Variants in KCNIP4 observed in about 807,000 individuals in gnomAD.
KCNIP4 encodes Kv channel-interacting protein 4.
Under a neutral mutation model 34.0 loss-of-function variants are expected in KCNIP4, and 12 were observed. The observed-to-expected ratio is 0.35, with a 90% CI of 0.23 to 0.57. The LOEUF (loss-of-function observed/expected upper bound fraction) is 0.57, where lower values mean the gene tolerates loss of function less well. KCNIP4 is among the 20% of genes least tolerant of loss of function. The probability of loss-of-function intolerance (pLI) is 0.83; values close to 1 mark genes in which losing one functional copy is unlikely to be tolerated. For synonymous variants in KCNIP4, 124 were observed against 102.2 expected, an observed-to-expected ratio of 1.21 and a Z score of -1.29; for missense variants, 238 against 311.7, an observed-to-expected ratio of 0.76 and a Z score of 1.78.
intron 1 of KCNIP4, among the ~76,000 whole-genome samples, chr4:21,731,811 G>A (rs1052028053): frequency 2.0e-5 from 3 of 152,084 alleles, no homozygotes; most frequent in Non-Finnish European, 4.4e-5. Context: ...AGATGAGATT[G>A]CCATTTTCTT....
At chr4:21,591,982 T>G (rs1742257785) in intron 1 of KCNIP4, among the ~76,000 whole-genome samples, 1 of 152,110 alleles carries the variant, frequency 6.6e-6, no homozygotes, top group Admixed American at 6.6e-5. Context: ...TCTACGGTGC[T>G]GCATTGGAAG....
At chr4:21,762,165 C>T (rs922642153) in intron 1 of KCNIP4, among the ~76,000 whole-genome samples, 3 of 152,040 alleles carry the variant, frequency 2.0e-5, no homozygotes, top group African/African-American at 7.2e-5. Flanking sequence ...CAATTAGCCA[C>T]ATTTTATAAA....
chr4:21,232,172 C>T (rs1272953203), intron 1 of KCNIP4, among the ~76,000 whole-genome samples: 1 of 152,020 alleles, frequency 6.6e-6, no homozygotes, highest in African/African-American at 2.4e-5. Context: ...CCCTGGTAAG[C>T]ACAGGTACAA....
At chr4:21,626,220 T>C (rs1444592784) in intron 1 of KCNIP4, among the ~76,000 whole-genome samples, 1 of 151,962 alleles carries the variant, frequency 6.6e-6, no homozygotes, top group East Asian at 1.9e-4. Context: ...AGAATGAATG[T>C]TTGTGTTCCT....
intron 1 of KCNIP4, among the ~76,000 whole-genome samples, chr4:20,966,858 G>A (rs1734395306): frequency 6.6e-6 from 1 of 152,106 alleles, no homozygotes; most frequent in African/African-American, 2.4e-5. Flanking sequence ...TGAGTACTAG[G>A]TATGTGGCTT....
At chr4:21,550,880 C>T (rs1738529998) in intron 1 of KCNIP4, among the ~76,000 whole-genome samples, 2 of 152,094 alleles carry the variant, frequency 1.3e-5, no homozygotes. Context: ...GACACAGTGC[C>T]ATGCCTAATT....
At chr4:20,796,366 T>A (rs1367225566) in intron 3 of KCNIP4, among the ~76,000 whole-genome samples, 1 of 152,170 alleles carries the variant, frequency 6.6e-6, no homozygotes, top group Non-Finnish European at 1.5e-5. Flanking sequence ...TGGAGTGCGC[T>A]GGTGTGATCA....
intron 1 of KCNIP4, among the ~76,000 whole-genome samples, chr4:21,073,640 C>A (rs2109003854): frequency 6.6e-6 from 1 of 152,228 alleles, no homozygotes; most frequent in South Asian, 2.1e-4. Context: ...CTTTCTCCTG[C>A]CTGATTGCCC....
At chr4:20,820,928 A>G (rs1717027075) in intron 3 of KCNIP4, among the ~76,000 whole-genome samples, 1 of 152,214 alleles carries the variant, frequency 6.6e-6, no homozygotes, top group Admixed American at 6.5e-5. Context: ...CCTGGTGCTA[A>G]CTGCTGGTGC....
intron 1 of KCNIP4, among the ~76,000 whole-genome samples, chr4:20,968,610 A>T (rs1017526441): frequency 6.6e-6 from 1 of 152,122 alleles, no homozygotes; most frequent in Admixed American, 6.6e-5. Context: ...AAAAAGGATG[A>T]GTTCATGTCC....
At chr4:20,806,134 C>T (rs775906361) in intron 3 of KCNIP4, among the ~76,000 whole-genome samples, 9 of 151,978 alleles carry the variant, frequency 5.9e-5, no homozygotes, top group Non-Finnish European at 1.2e-4. Context: ...CTTTTTCCGT[C>T]TAATAACTTT....
chr4:21,692,164 C>G (rs2109045796), intron 1 of KCNIP4, among the ~76,000 whole-genome samples: 1 of 152,272 alleles, frequency 6.6e-6, no homozygotes, highest in South Asian at 2.1e-4. Flanking sequence ...TAAAAACAGT[C>G]TTCTTTGGGA....
intron 1 of KCNIP4, among the ~76,000 whole-genome samples, chr4:21,742,234 T>C (rs1003911875): frequency 6.6e-6 from 1 of 152,142 alleles, no homozygotes; most frequent in East Asian, 1.9e-4. Flanking sequence ...AACCATGCAT[T>C]ACATAGAGAG....
In KCNIP4 at chr4:20,852,065, G is replaced by T. The variant is rs200174681; in HGVS notation, c.164-1398C>A. Among the ~76,000 whole-genome samples the T allele has an allele frequency of 2.0e-5, 3 of 152,022 alleles. No individual in the cohort carries two copies. The East Asian group carries it at 5.8e-4, about 29-fold the overall frequency. ...AAATAGAACCTTAGACTCTCAGAAT[G>T]GAAGGACATCTGAAGAAAGATATAA... is the stretch of plus-strand genomic sequence containing the variant. On this transcript the variant is annotated intron_variant, in intron 2 of 8. Coordinates refer to ENST00000382152, the MANE Select transcript of KCNIP4 (RefSeq NM_025221.6).
chr4:21,858,354 T>C (rs943787961), intron 1 of KCNIP4, among the ~76,000 whole-genome samples: 3 of 152,292 alleles, frequency 2.0e-5, no homozygotes, highest in African/African-American at 7.2e-5. Context: ...AGAAGAAAAA[T>C]GGCTAGGAAA....
chr4:20,849,690 T>C (rs949962365), intron 3 of KCNIP4, among the ~76,000 whole-genome samples: 1 of 152,192 alleles, frequency 6.6e-6, no homozygotes, highest in Non-Finnish European at 1.5e-5. Context: ...CTGTAGCTAC[T>C]TTGGTTTCCA....
At chr4:21,469,402 T>G (rs2109800490) in intron 1 of KCNIP4, among the ~76,000 whole-genome samples, 1 of 152,302 alleles carries the variant, frequency 6.6e-6, no homozygotes. Flanking sequence ...CCTCTGAGAC[T>G]TCTTCCCAAG....
intron 2 of KCNIP4, among the ~76,000 whole-genome samples, chr4:20,856,510 C>T (rs564206440): frequency 6.6e-6 from 1 of 152,208 alleles, no homozygotes; most frequent in East Asian, 1.9e-4. Context: ...TTTGTTTTCT[C>T]CATTGTGAGT....
chr4:21,259,928 C>T (rs1261960713), intron 1 of KCNIP4, among the ~76,000 whole-genome samples: 5 of 111,204 alleles, frequency 4.5e-5, no homozygotes, highest in Admixed American at 8.6e-5. Flanking sequence ...TGTGCACGTG[C>T]GCTTATGTGC....
Sources: allele counts gnomAD v4.1 joint callset (sites outside exome capture counted in the v4.1 genomes callset), GRCh38; gene constraint gnomAD v4.1.1; transcripts MANE v1.5; gene names NCBI Gene and HGNC (gene_info 2026-07-23, HGNC 2026-07-21).